NBEA: variants seen among roughly 807,000 people sequenced by gnomAD.
The protein encoded by NBEA is neurobeachin.
Under a neutral mutation model 343.4 loss-of-function variants are expected in NBEA, and 44 were observed. The observed-to-expected ratio is 0.13, with a 90% CI of 0.10 to 0.16. The LOEUF is 0.16. NBEA is among the 10% of genes least tolerant of loss of function. NBEA has a pLI of 1.00. For synonymous variants in NBEA, 1,175 were observed against 1,238.7 expected (o/e 0.95, Z 1.08); for missense variants, 2,555 against 3,631.3 (o/e 0.70, Z 7.62).
chr13:35,526,352 A>T (rs954078876), intron 41 of NBEA, among the ~76,000 whole-genome samples: 39 of 152,216 alleles, frequency 2.6e-4, no homozygotes, highest in African/African-American at 8.2e-4. Flanking sequence ...ATAAAACATT[A>T]AAAAAATACA....
At chr13:35,507,814 G>C (rs1214567051) in intron 41 of NBEA, among the ~76,000 whole-genome samples, 3 of 152,136 alleles carry the variant, frequency 2.0e-5, no homozygotes, top group East Asian at 3.9e-4. Flanking sequence ...GAAATGGCCT[G>C]ATTGAACGTG....
At chr13:35,311,592 G>A (rs766932724) in intron 36 of NBEA, among the ~76,000 whole-genome samples, 62 of 152,180 alleles carry the variant, frequency 4.1e-4, no homozygotes, top group African/African-American at 1.5e-3. Context: ...AGTGGCTCAC[G>A]CCTGTAATCC....
chr13:35,114,353 T>C (rs541295739), intron 13 of NBEA, among the ~76,000 whole-genome samples: 2 of 152,288 alleles, frequency 1.3e-5, no homozygotes, highest in Admixed American at 6.5e-5. Flanking sequence ...ATCTTGCTCC[T>C]ATTGTCTTTA....
chr13:35,024,799 T>C (rs1251292436), intron 1 of NBEA, among the ~76,000 whole-genome samples: 4 of 152,238 alleles, frequency 2.6e-5, no homozygotes, highest in Admixed American at 6.5e-5. Flanking sequence ...ACCAGCAGTG[T>C]ATAAACATTT....
At position 34,942,875 on chromosome 13, in the gene NBEA, C is replaced by T; in HGVS notation, c.55C>T (p.Leu19Phe). 1 of 1,431,518 alleles carries T rather than the reference C, an allele frequency of 7.0e-7. No homozygotes were observed. The highest frequency in any genetic ancestry group is 9.2e-7 in the Non-Finnish European group (1 of 1,082,246). The allele number at this position is 1,431,518 out of a possible 1,614,324, so 88.7% of individuals were successfully genotyped here. Reference sequence around the variant, plus strand: ...GGGGCTCGAGCCTCAGCCCGTGGGGCTCATTGCCGTCGGGGCCGCTGGCGG... The same window carrying T: ...GGGGCTCGAGCCTCAGCCCGTGGGGTTCATTGCCGTCGGGGCCGCTGGCGG... ...GPGLEPQPVGLIAVGAAGGGG... is the reference protein window; with the variant it reads ...GPGLEPQPVGFIAVGAAGGGG... Residue 19 changes from leucine (L) to phenylalanine (F), a missense_variant, in exon 1 of 59, where the codon CTC (leucine) becomes TTC (phenylalanine). Physicochemically the swap from Leu to Phe is conservative, Grantham distance 22. Coordinates refer to ENST00000379939, the MANE Select transcript of NBEA (RefSeq NM_001385012.1).
At chr13:35,033,941 A>T (rs369132851) in intron 1 of NBEA, among the ~76,000 whole-genome samples, 149 of 151,860 alleles carry the variant, frequency 9.8e-4, no homozygotes, top group African/African-American at 3.4e-3. Context: ...AGATTCTATC[A>T]TCCGCAAACA....
intron 30 of NBEA, among the ~76,000 whole-genome samples, chr13:35,190,979 A>G (rs2152738223): frequency 6.6e-6 from 1 of 152,310 alleles, no homozygotes; most frequent in East Asian, 1.9e-4. Flanking sequence ...TCTGGAGTTG[A>G]AAATTGTAAT....
chr13:35,405,721 A>C (rs1249098072), intron 38 of NBEA, among the ~76,000 whole-genome samples: 3 of 152,182 alleles, frequency 2.0e-5, no homozygotes, highest in Non-Finnish European at 4.4e-5. Context: ...GATTTCTAAC[A>C]GTAATCAAAT....
chr13:35,248,180 A>G (rs2031478879), intron 34 of NBEA, among the ~76,000 whole-genome samples: 1 of 152,226 alleles, frequency 6.6e-6, no homozygotes, highest in Admixed American at 6.5e-5. Context: ...ACCAATATCC[A>G]TTGTGAATAT....
At chr13:35,248,391 A>C (rs1657330910) in intron 34 of NBEA, among the ~76,000 whole-genome samples, 1 of 152,180 alleles carries the variant, frequency 6.6e-6, no homozygotes, top group African/African-American at 2.4e-5. Flanking sequence ...TGTGTGGGGA[A>C]AAAAAGCCCT....
intron 34 of NBEA, among the ~76,000 whole-genome samples, chr13:35,244,270 T>TA (rs908914320): frequency 1.9e-4 from 29 of 151,986 alleles, no homozygotes; most frequent in Admixed American, 2.6e-4. Flanking sequence ...ACTCACCTTA[T>TA]AAAAAAATCA....
intron 38 of NBEA, among the ~76,000 whole-genome samples, chr13:35,379,097 T>C (rs1169110113): frequency 6.6e-6 from 1 of 152,040 alleles, no homozygotes; most frequent in Non-Finnish European, 1.5e-5. Context: ...TTTTTTTTTA[T>C]GAATAGAGTT....
At chr13:35,580,449 G>T (rs1190411590) in intron 45 of NBEA, among the ~76,000 whole-genome samples, 1 of 151,692 alleles carries the variant, frequency 6.6e-6, no homozygotes, top group Admixed American at 6.5e-5. Context: ...GCCAAAATCA[G>T]ATGATATTGA....
At chr13:35,203,460 T>G (rs1349598152) in intron 31 of NBEA, among the ~76,000 whole-genome samples, 1 of 152,224 alleles carries the variant, frequency 6.6e-6, no homozygotes, top group Non-Finnish European at 1.5e-5. Flanking sequence ...CTATGCTTTA[T>G]TTTTCTTACA....
intron 1 of NBEA, among the ~76,000 whole-genome samples, chr13:34,977,328 A>G (rs1355806936): frequency 3.6e-5 from 5 of 138,332 alleles, no homozygotes; most frequent in Non-Finnish European, 4.8e-5. Flanking sequence ...TTTTTTTTTG[A>G]GATGGAGTCT....
chr13:35,403,298 C>G (rs1160375597), intron 38 of NBEA, among the ~76,000 whole-genome samples: 1 of 151,790 alleles, frequency 6.6e-6, no homozygotes, highest in African/African-American at 2.4e-5. Flanking sequence ...TTTGCAAACA[C>G]TATTATAAGT....
chr13:34,984,072 G>T (rs544769961), intron 1 of NBEA, among the ~76,000 whole-genome samples: 3 of 152,050 alleles, frequency 2.0e-5, no homozygotes, highest in Non-Finnish European at 4.4e-5. Context: ...GGCTTTTGTT[G>T]CCATTGCTTT....
intron 10 of NBEA, among the ~76,000 whole-genome samples, chr13:35,085,616 A>G (rs2064710474): frequency 6.6e-6 from 1 of 152,160 alleles, no homozygotes; most frequent in Admixed American, 6.6e-5. Context: ...ACAAACCCAC[A>G]GCCAATATCA....
chr13:35,593,292 G>A (rs12865768), intron 46 of NBEA, 36 bp from the exon 47 acceptor site: 352,384 of 1,606,104 alleles, frequency 0.22, 40,440 homozygotes, highest in African/African-American at 0.25. Context: ...GCTGTGTTTA[G>A]AGTGGTCAAA....
Sources: gnomAD v4.1 joint callset for allele counts (sites outside exome capture counted in the v4.1 genomes callset) on GRCh38, gnomAD v4.1.1 for gene constraint, MANE v1.5 for transcripts, NCBI Gene and HGNC (gene_info 2026-07-23, HGNC 2026-07-21) for gene names.